STXBP5L: variants seen among roughly 807,000 people sequenced by gnomAD.
STXBP5L encodes syntaxin-binding protein 5-like.
STXBP5L carries 65 observed loss-of-function variants against 144.5 expected under a neutral mutation model. The observed-to-expected ratio is 0.45, with a 90% CI of 0.37 to 0.55. STXBP5L has a LOEUF of 0.55. STXBP5L is among the 20% of genes least tolerant of loss of function. The pLI is 0.00. For synonymous variants in STXBP5L, 505 were observed against 469.6 expected, an observed-to-expected ratio of 1.08 and a Z score of -0.97; for missense variants, 1,298 against 1,405.5, an observed-to-expected ratio of 0.92 and a Z score of 1.22.
intron 1 of STXBP5L, chr3:120,909,182 CAG>C: frequency 6.3e-6 from 1 of 158,508 alleles, no homozygotes; most frequent in Non-Finnish European, 1.4e-5. Context: ...AAGAGAGAGA[CAG>C]AGTCTTGGTC....
chr3:121,004,391 C>T (rs1179839219), intron 3 of STXBP5L, among the ~76,000 whole-genome samples: 4 of 151,976 alleles, frequency 2.6e-5, no homozygotes, highest in African/African-American at 7.3e-5. Flanking sequence ...GATTTTTGCC[C>T]ATTGATTTTG....
At position 121,094,538 on chromosome 3, in the gene STXBP5L, GT is replaced by G. The variant is rs2043009501; in HGVS notation, c.471-20386del. 4.0e-5 allele frequency among the ~76,000 whole-genome samples: 6 copies of G among 151,878 alleles called. No homozygotes were observed. In the South Asian group the frequency reaches 1.2e-3, roughly 32 times the overall value. ...TTACCATTATGTAATGGCCTTCTTT[GT>G]CCCTTTTGATCTTTGTTGGTTTAAA... is the stretch of plus-strand genomic sequence containing the variant. On this transcript the variant is annotated intron_variant, in intron 5 of 26. Coordinates refer to ENST00000471454, the MANE Select transcript of STXBP5L (RefSeq NM_001308330.2).
At chr3:121,225,220 G>A (rs1041360128) in intron 11 of STXBP5L, among the ~76,000 whole-genome samples, 2 of 151,968 alleles carry the variant, frequency 1.3e-5, no homozygotes, top group African/African-American at 4.8e-5. Flanking sequence ...TTCATTAGAG[G>A]ATTATTCTCC....
At position 121,418,472 on chromosome 3, in the gene STXBP5L, A is replaced by C. The variant is rs769030411; in HGVS notation, c.3362A>C (p.Glu1121Ala). ...ELTRARIALD[E>A]RGQRLGELEE... The stretch of plus-strand genomic sequence containing the variant: ...ACCCGTGCACGGATTGCACTTGATG[A>C]AAGAGGACAGAGGCTAGGAGAGCTG... The change falls in exon 26 of 27, where the codon GAA (glutamate) becomes GCA (alanine). Residue 1121 changes from glutamate to alanine, a missense_variant. Transcript: ENST00000471454. 1 of 1,614,120 alleles carries C rather than the reference A, an allele frequency of 6.2e-7. No individual in the cohort carries two copies. The highest frequency in any genetic ancestry group is 1.1e-5 in the South Asian group (1 of 91,090).
intron 3 of STXBP5L, among the ~76,000 whole-genome samples, chr3:120,966,358 G>T (rs1384244916): frequency 6.6e-6 from 1 of 152,140 alleles, no homozygotes; most frequent in Non-Finnish European, 1.5e-5. Context: ...AGGGGAAGTG[G>T]CAGTTTGATT....
intron 5 of STXBP5L, among the ~76,000 whole-genome samples, chr3:121,113,334 C>T (rs2044082216): frequency 6.6e-6 from 1 of 152,020 alleles, no homozygotes; most frequent in South Asian, 2.1e-4. Context: ...CTCTTTCTAC[C>T]TAAGATTGAA....
intron 3 of STXBP5L, among the ~76,000 whole-genome samples, chr3:121,008,705 G>A (rs1944539726): frequency 6.6e-6 from 1 of 151,914 alleles, no homozygotes; most frequent in Non-Finnish European, 1.5e-5. Context: ...AGTACTACTA[G>A]TATATTCAAT....
chr3:120,941,106 C>T (rs1345071697), intron 2 of STXBP5L, among the ~76,000 whole-genome samples: 1 of 151,660 alleles, frequency 6.6e-6, no homozygotes, highest in South Asian at 2.1e-4. Flanking sequence ...TTATCTCAAT[C>T]ATGAGTTTTG....
At chr3:120,954,020 A>C (rs589056) in intron 2 of STXBP5L, among the ~76,000 whole-genome samples, 72,326 of 151,934 alleles carry the variant, frequency 0.48, 17,807 homozygotes, top group African/African-American at 0.56. Context: ...AACACTCACT[A>C]ATATGTATAT....
At chr3:121,209,163 A>G (rs562754978) in intron 10 of STXBP5L, among the ~76,000 whole-genome samples, 1 of 152,152 alleles carries the variant, frequency 6.6e-6, no homozygotes, top group East Asian at 1.9e-4. Flanking sequence ...TCGTTATCCA[A>G]TCTATCATTG....
chr3:121,173,832 T>A (rs368462424), intron 9 of STXBP5L, among the ~76,000 whole-genome samples: 37 of 152,030 alleles, frequency 2.4e-4, no homozygotes, highest in African/African-American at 8.9e-4. Context: ...GCAATTCAGT[T>A]TTTTCTCATA....
chr3:121,334,452 A>G (rs2044433493), intron 20 of STXBP5L, among the ~76,000 whole-genome samples: 1 of 152,142 alleles, frequency 6.6e-6, no homozygotes, highest in Non-Finnish European at 1.5e-5. Context: ...CAAAAAAAGA[A>G]AACTTTGGGA....
intron 5 of STXBP5L, among the ~76,000 whole-genome samples, chr3:121,113,666 C>CTTTTTTTTTTT (rs1273804231): frequency 3.0e-5 from 4 of 132,896 alleles, no homozygotes; most frequent in African/African-American, 8.4e-5. Flanking sequence ...ATTCTTTTTT[C>CTTTTTTTTTTT]TTTTTCTTTT....
At chr3:121,202,837 A>G (rs961635677) in intron 9 of STXBP5L, among the ~76,000 whole-genome samples, 6 of 151,620 alleles carry the variant, frequency 4.0e-5, no homozygotes, top group Non-Finnish European at 7.4e-5. Flanking sequence ...TCTTTTAAGC[A>G]TGTTTACTGG....
rs1263721448 is a variant in STXBP5L, at chr3:121,090,757, G to A, written c.471-24168G>A. 2.0e-5 allele frequency among the ~76,000 whole-genome samples: 3 copies of A among 151,500 alleles called. No individual in the cohort carries two copies. In the South Asian group the frequency reaches 6.2e-4, roughly 32 times the overall value. ...TGGGGACACAATTAGTGCCTCAGATGGTATGAATTTTTTTTATTTTTTATT... is the reference window on the plus strand; with the variant it reads ...TGGGGACACAATTAGTGCCTCAGATAGTATGAATTTTTTTTATTTTTTATT... On this transcript the variant is annotated intron_variant, in intron 5 of 26. Transcript: ENST00000471454.
At chr3:121,027,075 G>A (rs1164011282) in intron 3 of STXBP5L, among the ~76,000 whole-genome samples, 13 of 151,572 alleles carry the variant, frequency 8.6e-5, no homozygotes, top group Admixed American at 2.6e-4. Flanking sequence ...ATGAATGTAA[G>A]TTTTTCTATT....
At chr3:121,359,521 T>C (rs983265043) in intron 20 of STXBP5L, among the ~76,000 whole-genome samples, 3 of 152,132 alleles carry the variant, frequency 2.0e-5, no homozygotes, top group Non-Finnish European at 4.4e-5. Flanking sequence ...TAAGAAGCCT[T>C]TGCCCAGACC....
At chr3:121,327,088 T>C (rs1043455789) in intron 20 of STXBP5L, among the ~76,000 whole-genome samples, 1 of 152,136 alleles carries the variant, frequency 6.6e-6, no homozygotes, top group Admixed American at 6.5e-5. Flanking sequence ...CTGAGACTTA[T>C]TTGTAGCCAA....
intron 7 of STXBP5L, among the ~76,000 whole-genome samples, chr3:121,138,679 A>G: frequency 6.6e-6 from 1 of 152,128 alleles, no homozygotes; most frequent in Admixed American, 6.6e-5. Context: ...TCCTTAATAA[A>G]TAATATTGGG....
Sources: allele counts gnomAD v4.1 joint callset (sites outside exome capture counted in the v4.1 genomes callset), GRCh38; gene constraint gnomAD v4.1.1; transcripts MANE v1.5; gene names NCBI Gene and HGNC (gene_info 2026-07-23, HGNC 2026-07-21).